The following SLC39A14 variants were observed in gnomAD, a reference collection of about 807,000 sequenced individuals.
The protein encoded by SLC39A14 is solute carrier family 39 member 14, also known as metal cation symporter ZIP14.
A neutral mutation model predicts 45.5 loss-of-function variants in SLC39A14; 19 were observed. The observed-to-expected ratio is 0.42, with a 90% CI of 0.29 to 0.61. The LOEUF is 0.61. SLC39A14 is among the 20% of genes least tolerant of loss of function. The probability of loss-of-function intolerance (pLI) is 0.22; values close to 1 mark genes in which losing one functional copy is unlikely to be tolerated. For synonymous variants in SLC39A14, 264 were observed against 251.3 expected (o/e 1.05, Z -0.48); for missense variants, 447 against 616.5 (o/e 0.73, Z 2.91).
chr8:22,423,010 G>A (rs988235371), downstream of SLC39A14, among the ~76,000 whole-genome samples: 3 of 152,070 alleles, frequency 2.0e-5, no homozygotes, highest in East Asian at 3.9e-4. Context: ...TTTTAGTAGA[G>A]ATGGGGTTTC....
Position 22,422,110 on chromosome 8 carries a change from T to C in SLC39A14, c.*2412T>C, listed in dbSNP as rs982824839. On this transcript the variant is annotated 3_prime_UTR_variant, in exon 9 of 9. Coordinates refer to ENST00000381237, the MANE Select transcript of SLC39A14 (RefSeq NM_001128431.4). The stretch of plus-strand genomic sequence containing the variant: ...TGTTGAATTTGCTGTTTCAAGCATT[T>C]GTACATATTAGAAGTCTAAGGAGTA... The C allele has an allele frequency of 4.1e-6, 4 of 985,356 alleles. No individual in the cohort carries two copies. The African/African-American group carries it at 7.0e-5, about 17-fold the overall frequency. 61.0% of individuals were successfully genotyped at this position (985,356 alleles called of 1,614,324 possible). A position where few individuals can be genotyped will look rare whatever the true frequency, so the allele number is the denominator to read the frequency against.
In SLC39A14 at chr8:22,410,256, A is replaced by G. The variant is rs568556112; in HGVS notation, c.457+1760A>G. 14 of 840,974 alleles carry G rather than the reference A, an allele frequency of 1.7e-5. No individual in the cohort carries two copies. In the African/African-American group the frequency reaches 2.0e-4, roughly 12 times the overall value. The allele number at this position is 840,974 out of a possible 1,614,324, so 52.1% of individuals were successfully genotyped here. ...AACCTGTCCCTCGTATCAAAGCCAC[A>G]AACGACTTCTAACTCTGGATCTCAG... On this transcript the variant is annotated intron_variant, in intron 3 of 8. Coordinates refer to ENST00000381237, the MANE Select transcript of SLC39A14 (RefSeq NM_001128431.4).
intron 1 of SLC39A14, among the ~76,000 whole-genome samples, chr8:22,370,647 T>A (rs964996154): frequency 6.6e-6 from 1 of 152,214 alleles, no homozygotes; most frequent in African/African-American, 2.4e-5. Context: ...TAAATGTGAT[T>A]ATGAAATTGC....
chr8:22,378,720 T>A (rs1833341195), intron 1 of SLC39A14, among the ~76,000 whole-genome samples: 1 of 152,192 alleles, frequency 6.6e-6, no homozygotes, highest in East Asian at 1.9e-4. Flanking sequence ...AGCAAATACC[T>A]GCAGGCTCAC....
intron 1 of SLC39A14, among the ~76,000 whole-genome samples, chr8:22,378,255 G>A (rs1330705567): frequency 2.6e-5 from 4 of 152,162 alleles, no homozygotes; most frequent in Non-Finnish European, 4.4e-5. Context: ...GCAGGCAAGT[G>A]TGTTAGTATG....
At chr8:22,391,563 C>A (rs1834071981) in intron 1 of SLC39A14, among the ~76,000 whole-genome samples, 1 of 151,796 alleles carries the variant, frequency 6.6e-6, no homozygotes, top group Admixed American at 6.6e-5. Context: ...GTTCTGAGCT[C>A]CCTGTTCTTT....
chr8:22,432,069 G>C (rs4872497), intron 8 of SLC39A14, among the ~76,000 whole-genome samples: 46,453 of 152,106 alleles, frequency 0.31, 7,349 homozygotes, highest in East Asian at 0.5. Flanking sequence ...GGTGCCTCAT[G>C]CCTCTAATCC....
intron 1 of SLC39A14, among the ~76,000 whole-genome samples, chr8:22,401,496 C>T (rs1834848034): frequency 1.3e-5 from 2 of 149,050 alleles, no homozygotes; most frequent in African/African-American, 2.5e-5. Context: ...TTTAAGCTTT[C>T]ATTTATCTGT....
intron 1 of SLC39A14, among the ~76,000 whole-genome samples, chr8:22,376,671 A>C (rs530330746): frequency 1.1e-4 from 17 of 152,188 alleles, no homozygotes; most frequent in Non-Finnish European, 1.5e-4. Context: ...CGACGTCGGG[A>C]GTTCAAGACC....
At chr8:22,371,422 T>A (rs1385658416) in intron 1 of SLC39A14, among the ~76,000 whole-genome samples, 21 of 21,006 alleles carry the variant, frequency 1.0e-3, no homozygotes, top group East Asian at 6.1e-3. Flanking sequence ...GTCTTTTTTT[T>A]TTTTTTTTTT....
At chr8:22,392,573 G>A (rs771708909) in intron 1 of SLC39A14, among the ~76,000 whole-genome samples, 6 of 152,228 alleles carry the variant, frequency 3.9e-5, no homozygotes, top group Non-Finnish European at 7.3e-5. Context: ...GAACTTGGAC[G>A]ACAGGGAGAA....
intron 1 of SLC39A14, among the ~76,000 whole-genome samples, chr8:22,370,434 A>C (rs1489774798): frequency 6.6e-6 from 1 of 152,146 alleles, no homozygotes; most frequent in East Asian, 1.9e-4. Flanking sequence ...TGACCTGGCC[A>C]AGGTAATGCT....
At chr8:22,404,297 G>A (rs1434395784) in intron 1 of SLC39A14, among the ~76,000 whole-genome samples, 1 of 151,688 alleles carries the variant, frequency 6.6e-6, no homozygotes, top group Non-Finnish European at 1.5e-5. Flanking sequence ...GTGGTGGCGG[G>A]CCCCTGTAAT....
At chr8:22,373,941 G>A (rs1833070494) in intron 1 of SLC39A14, among the ~76,000 whole-genome samples, 1 of 152,112 alleles carries the variant, frequency 6.6e-6, no homozygotes, top group Non-Finnish European at 1.5e-5. Context: ...TGTATTTTTA[G>A]TGGACATGGG....
rs186919772 is a variant in SLC39A14 at position 22,400,272 on chromosome 8, G to A, written c.-15-4424G>A. Among the ~76,000 whole-genome samples the A allele has an allele frequency of 2.0e-4, 30 of 152,248 alleles. 1 individual carries two copies. The East Asian group carries it at 4.4e-3, about 22-fold the overall frequency. ...CTTCTGTGGGTCATGTTTCCTAATC[G>A]CTGAACCCCAGTGTCCTTGTCTGTT... is the stretch of plus-strand genomic sequence containing the variant. On this transcript the variant is annotated intron_variant, in intron 1 of 8. Transcript: ENST00000381237.
intron 8 of SLC39A14, among the ~76,000 whole-genome samples, chr8:22,418,154 C>T (rs963385822): frequency 2.0e-5 from 3 of 152,186 alleles, no homozygotes; most frequent in Admixed American, 6.5e-5. Flanking sequence ...CCACCCGCCT[C>T]GGCATCCCAA....
At chr8:22,410,483 G>C (rs889947775) in intron 3 of SLC39A14, among the ~76,000 whole-genome samples, 1 of 139,756 alleles carries the variant, frequency 7.2e-6, no homozygotes, top group African/African-American at 3.4e-5. Flanking sequence ...AATCCTGGCA[G>C]TACTCAGGTC....
At chr8:22,399,042 C>T (rs908232607) in intron 1 of SLC39A14, among the ~76,000 whole-genome samples, 2 of 152,202 alleles carry the variant, frequency 1.3e-5, no homozygotes, top group African/African-American at 2.4e-5. Context: ...GGCCTGGGGG[C>T]GCTCCCAAGC....
At chr8:22,368,163 CAGG>C (rs1352062688) in intron 1 of SLC39A14, among the ~76,000 whole-genome samples, 1 of 152,190 alleles carries the variant, frequency 6.6e-6, no homozygotes, top group African/African-American at 2.4e-5. Flanking sequence ...CTCGGCTGTA[CAGG>C]AGGACTCCGG....
Sources: allele counts gnomAD v4.1 joint callset (sites outside exome capture counted in the v4.1 genomes callset), GRCh38; gene constraint gnomAD v4.1.1; transcripts MANE v1.5; gene names NCBI Gene and HGNC (gene_info 2026-07-23, HGNC 2026-07-21).